LYN: variants seen among roughly 807,000 people sequenced by gnomAD.
LYN encodes the protein LYN proto-oncogene, Src family tyrosine kinase, also known as tyrosine-protein kinase Lyn.
In LYN, 12 loss-of-function variants were observed where a neutral mutation model predicts 65.0. The ratio of observed to expected loss-of-function variants is 0.18; its 90% CI spans 0.12 to 0.30. LYN has a LOEUF of 0.30. Among genes scored for constraint, LYN ranks in the 10% least tolerant of loss-of-function variants. LYN has a pLI of 1.00. For missense variants in LYN, 380 were observed against 623.2 expected (o/e 0.61, Z 4.16); for synonymous variants, 222 against 221.2 (o/e 1.00, Z -0.03).
At chr8:55,886,535 A>G (rs1804801248) in intron 1 of LYN, among the ~76,000 whole-genome samples, 1 of 152,228 alleles carries the variant, frequency 6.6e-6, no homozygotes, top group Non-Finnish European at 1.5e-5. Context: ...GGCATGAGCC[A>G]CGCGCCCAGC....
At chr8:55,992,882 G>T (rs1808286838) in intron 10 of LYN, among the ~76,000 whole-genome samples, 1 of 151,486 alleles carries the variant, frequency 6.6e-6, no homozygotes, top group African/African-American at 2.4e-5. Context: ...CATGAGGGAG[G>T]ATCTCTCATG....
At chr8:55,982,198 A>G (rs955401849) in intron 10 of LYN, among the ~76,000 whole-genome samples, 1 of 152,152 alleles carries the variant, frequency 6.6e-6, no homozygotes, top group African/African-American at 2.4e-5. Context: ...GCAATGTTAT[A>G]TGTTACAGAG....
Position 55,879,922 on chromosome 8 carries a change from G to A in LYN, c.-187G>A, listed in dbSNP as rs1804595933. 2 of 200,660 alleles carry A rather than the reference G, an allele frequency of 1.0e-5. No individual in the cohort carries two copies. Among genetic ancestry groups the A allele is most frequent in the South Asian group, 8.2e-5 (1 of 12,182 alleles). 12.4% of individuals were successfully genotyped at this position (200,660 alleles called of 1,614,324 possible). A position where few individuals can be genotyped will look rare whatever the true frequency, so the allele number is the denominator to read the frequency against. ...CCAGACGCGCTGCAGCCTCCAGCCC[G>A]CGGCAAGCGGGGCGGCCGCGCCACC... is the stretch of plus-strand genomic sequence containing the variant. On this transcript the variant is annotated 5_prime_UTR_variant, in exon 1 of 13. Transcript: ENST00000519728.
chr8:56,002,780 G>T (rs1241681755), intron 12 of LYN, among the ~76,000 whole-genome samples: 1 of 152,160 alleles, frequency 6.6e-6, no homozygotes, highest in African/African-American at 2.4e-5. Flanking sequence ...AAGGACTGGG[G>T]ATGTGAGATA....
intron 1 of LYN, among the ~76,000 whole-genome samples, chr8:55,919,472 C>T (rs1170341075): frequency 2.0e-5 from 3 of 152,120 alleles, no homozygotes; most frequent in Non-Finnish European, 2.9e-5. Context: ...CTCCCTCTGT[C>T]AGGGTGATTT....
chr8:55,899,424 T>C (rs1805199300), intron 1 of LYN, among the ~76,000 whole-genome samples: 1 of 152,224 alleles, frequency 6.6e-6, no homozygotes, highest in Non-Finnish European at 1.5e-5. Flanking sequence ...GAACATAATG[T>C]CCTTGACTTT....
At chr8:55,915,121 C>T (rs957855187) in intron 1 of LYN, among the ~76,000 whole-genome samples, 1 of 152,250 alleles carries the variant, frequency 6.6e-6, no homozygotes, top group Non-Finnish European at 1.5e-5. Flanking sequence ...CTATTATCTG[C>T]TCTTTCTTTT....
intron 1 of LYN, among the ~76,000 whole-genome samples, chr8:55,886,440 G>T (rs983527940): frequency 2.0e-5 from 3 of 151,944 alleles, no homozygotes; most frequent in African/African-American, 7.3e-5. Context: ...TAGAGACAGG[G>T]TTTCATCATG....
At chr8:55,943,575 C>CAAAA in intron 2 of LYN, among the ~76,000 whole-genome samples, 1 of 77,894 alleles carries the variant, frequency 1.3e-5, no homozygotes, top group South Asian at 4.9e-4. Context: ...GACTCTGTCT[C>CAAAA]AAAAAAAAAA....
At chr8:55,969,950 A>G (rs981679654) in intron 10 of LYN, among the ~76,000 whole-genome samples, 157 bp downstream of exon 10, 2 of 152,210 alleles carry the variant, frequency 1.3e-5, no homozygotes, top group Admixed American at 6.5e-5. Flanking sequence ...CAATTCTTGG[A>G]GATAGTAATA....
intron 1 of LYN, among the ~76,000 whole-genome samples, chr8:55,891,694 A>G (rs886884950): frequency 1.3e-5 from 2 of 152,186 alleles, no homozygotes; most frequent in African/African-American, 2.4e-5. Flanking sequence ...TACAAGTTTT[A>G]TATTGTGTTT....
intron 1 of LYN, among the ~76,000 whole-genome samples, chr8:55,917,805 G>A (rs73682124): frequency 0.037 from 5,593 of 152,308 alleles, 103 homozygotes; most frequent in African/African-American, 0.051. Flanking sequence ...ATATGCTTGA[G>A]ATATTCAATG....
intron 10 of LYN, among the ~76,000 whole-genome samples, chr8:55,986,244 G>A (rs1429709188): frequency 6.6e-6 from 1 of 150,884 alleles, no homozygotes; most frequent in Non-Finnish European, 1.5e-5. Flanking sequence ...TCATGGCATG[G>A]CATCCTAGTG....
chr8:55,946,619 C>T lies in LYN; in HGVS notation c.178+126C>T, dbSNP rs1273411449. ...CATATATAACATAAAAATTTACCCT[C>T]TTAACTATTTTTAAGTATACATTTC... is the stretch of plus-strand genomic sequence containing the variant. On this transcript the variant is annotated intron_variant, in intron 3 of 12. Transcript: ENST00000519728. The T allele has an allele frequency of 4.5e-6, 3 of 668,298 alleles. No homozygotes were observed. The African/African-American group carries it at 5.5e-5, about 12-fold the overall frequency. The allele number at this position is 668,298 out of a possible 1,614,324, so 41.4% of individuals were successfully genotyped here.
At chr8:55,991,743 G>A (rs530717914) in intron 10 of LYN, among the ~76,000 whole-genome samples, 1 of 152,154 alleles carries the variant, frequency 6.6e-6, no homozygotes, top group Non-Finnish European at 1.5e-5. Context: ...CAGAGTTTTG[G>A]TCATGGTGCA....
intron 7 of LYN, among the ~76,000 whole-genome samples, chr8:55,953,401 T>C (rs56007716): frequency 0.24 from 36,364 of 151,978 alleles, 5,349 homozygotes; most frequent in African/African-American, 0.41. Flanking sequence ...TAATCCAGCA[T>C]TTTGGGAGGC....
At chr8:55,964,365 T>C (rs569632334) in intron 8 of LYN, among the ~76,000 whole-genome samples, 2 of 152,268 alleles carry the variant, frequency 1.3e-5, no homozygotes, top group African/African-American at 4.8e-5. Context: ...GCCTCATTTT[T>C]CTATAGAGCA....
At chr8:55,994,369 G>A (rs1461775709) in intron 10 of LYN, among the ~76,000 whole-genome samples, 3 of 152,096 alleles carry the variant, frequency 2.0e-5, no homozygotes, top group Non-Finnish European at 2.9e-5. Context: ...TGGAATCTGA[G>A]CTCCTTAAAG....
At chr8:56,002,620 A>AAATT (rs1808549814) in intron 12 of LYN, among the ~76,000 whole-genome samples, 1 of 149,812 alleles carries the variant, frequency 6.7e-6, no homozygotes. Flanking sequence ...AAATTAAATT[A>AAATT]AATTAAATTA....
Sources: gnomAD v4.1 joint callset for allele counts (sites outside exome capture counted in the v4.1 genomes callset) on GRCh38, gnomAD v4.1.1 for gene constraint, MANE v1.5 for transcripts, NCBI Gene and HGNC (gene_info 2026-07-23, HGNC 2026-07-21) for gene names.